Variants in TBC1D31 observed in about 807,000 individuals in gnomAD.
The protein encoded by TBC1D31 is WD repeat domain 67.
In TBC1D31, 99 loss-of-function variants were observed where a neutral mutation model predicts 132.9. That is an observed-to-expected ratio of 0.74 (90% CI 0.63 to 0.88). TBC1D31 has a LOEUF of 0.88. Among genes scored for constraint, TBC1D31 ranks in the 40% least tolerant of loss-of-function variants. The pLI, the probability that TBC1D31 is intolerant of heterozygous loss-of-function variation, is 0.00. For synonymous variants in TBC1D31, 385 were observed against 419.4 expected (o/e 0.92, Z 1.00); for missense variants, 1,134 against 1,256.6 (o/e 0.90, Z 1.48).
intron 11 of TBC1D31, among the ~76,000 whole-genome samples, chr8:123,122,452 T>A (rs1382740994): frequency 6.6e-6 from 1 of 152,174 alleles, no homozygotes; most frequent in East Asian, 1.9e-4. Flanking sequence ...GGACAGTTAT[T>A]GTATGATTTC....
At chr8:123,131,645 T>C (rs1352581363) in intron 16 of TBC1D31, among the ~76,000 whole-genome samples, 1 of 152,214 alleles carries the variant, frequency 6.6e-6, no homozygotes, top group Non-Finnish European at 1.5e-5. Flanking sequence ...ATTTGCAGTG[T>C]TTTGCAAATT....
At chr8:123,162,349 C>T in the TBC1D31 span, among the ~76,000 whole-genome samples, 1 of 151,958 alleles carries the variant, frequency 6.6e-6, no homozygotes, top group Non-Finnish European at 1.5e-5. Flanking sequence ...GAGGCGGGCT[C>T]CTGGCTGACT....
At chr8:123,100,402 C>G (rs1232109526) in intron 6 of TBC1D31, among the ~76,000 whole-genome samples, 1 of 151,980 alleles carries the variant, frequency 6.6e-6, no homozygotes, top group Non-Finnish European at 1.5e-5. Context: ...ATGGTGAAAC[C>G]CCATCCCTAT....
intron 6 of TBC1D31, among the ~76,000 whole-genome samples, chr8:123,100,063 C>G (rs1251039870): frequency 6.6e-6 from 1 of 152,134 alleles, no homozygotes; most frequent in Non-Finnish European, 1.5e-5. Flanking sequence ...TTGCATTGAG[C>G]AAGTTTCCAA....
intron 10 of TBC1D31, among the ~76,000 whole-genome samples, chr8:123,118,767 C>G (rs961070546): frequency 5.9e-5 from 9 of 152,126 alleles, no homozygotes; most frequent in African/African-American, 2.2e-4. Context: ...GGATCTTGCT[C>G]TGTCACCCAG....
chr8:123,146,896 C>T (rs1013440550), intron 20 of TBC1D31, among the ~76,000 whole-genome samples: 12 of 151,868 alleles, frequency 7.9e-5, no homozygotes, highest in Non-Finnish European at 1.5e-5. Flanking sequence ...AGGCTTGTCT[C>T]GAACTCCTGG....
At chr8:123,160,885 C>T in the TBC1D31 span, among the ~76,000 whole-genome samples, 1 of 152,202 alleles carries the variant, frequency 6.6e-6, no homozygotes, top group African/African-American at 2.4e-5. Context: ...TGGAATGAAA[C>T]TCGAACGGCT....
chr8:123,097,652 T>C lies in TBC1D31; in HGVS notation c.831+211T>C, dbSNP rs1004716507. ...TTGACAATTTGCTCTTTTTATAAAA[T>C]CAACATACTGTAAATTTATATTGTA... On this transcript the variant is annotated intron_variant, in intron 6 of 21. Coordinates refer to ENST00000287380, the MANE Select transcript of TBC1D31 (RefSeq NM_145647.4). The C allele has an allele frequency of 2.0e-5, 9 of 459,548 alleles. No individual in the cohort carries two copies. In the Admixed American group the frequency reaches 2.7e-4, roughly 14 times the overall value. The allele number at this position is 459,548 out of a possible 1,614,324, so 28.5% of individuals were successfully genotyped here.
downstream of TBC1D31, among the ~76,000 whole-genome samples, chr8:123,156,050 T>C (rs1287605597): frequency 6.6e-6 from 1 of 152,168 alleles, no homozygotes; most frequent in Non-Finnish European, 1.5e-5. Context: ...CTAAGACCCA[T>C]TGAGTAAGAG....
At chr8:123,132,571 A>G (rs1820735942) in intron 16 of TBC1D31, among the ~76,000 whole-genome samples, 1 of 150,634 alleles carries the variant, frequency 6.6e-6, no homozygotes, top group South Asian at 2.1e-4. Flanking sequence ...CTGCCACAAC[A>G]CCCATCTAAT....
intron 10 of TBC1D31, 93 bp downstream of exon 10, chr8:123,109,713 A>T: frequency 8.3e-7 from 1 of 1,207,314 alleles, no homozygotes; most frequent in Non-Finnish European, 1.2e-6. Context: ...TTGTTTTGTC[A>T]GTTTGATTAT....
chr8:123,104,903 GTACT>G (rs1249751145), intron 7 of TBC1D31, among the ~76,000 whole-genome samples: 1 of 152,060 alleles, frequency 6.6e-6, no homozygotes, highest in East Asian at 1.9e-4. Flanking sequence ...GAATATTAGG[GTACT>G]TCTGTCAGAA....
intron 2 of TBC1D31, among the ~76,000 whole-genome samples, chr8:123,079,914 C>A (rs1159110248): frequency 3.3e-5 from 5 of 152,170 alleles, no homozygotes; most frequent in Non-Finnish European, 1.5e-5. Context: ...TAGTGCTAAT[C>A]CCTATCTTCG....
In TBC1D31 at chr8:123,093,130, G is replaced by A. The variant is rs113838070; in HGVS notation, c.520-461G>A. Among the ~76,000 whole-genome samples, 630 of 151,580 alleles carry A rather than the reference G, an allele frequency of 4.2e-3. 8 individuals carry two copies. Among genetic ancestry groups the A allele is most frequent in the South Asian group, 0.014 (68 of 4,788 alleles). ...CCTGGCCTAATTTTTGTATTTTTTC[G>A]TAGAGATAGGGTTTCACCATGTTGG... On this transcript the variant is annotated intron_variant, in intron 4 of 21. Transcript: ENST00000287380.
At position 123,126,321 on chromosome 8, in the gene TBC1D31, T is replaced by C. The variant is rs1290359357; in HGVS notation, c.1704+132T>C. On this transcript the variant is annotated intron_variant, in intron 12 of 21. Transcript: ENST00000287380. ...ATGTTGTATTTTTAACAGTATTCCA[T>C]TCTTTTTCTTCATTAAACTGCCTTC... 19 of 1,280,620 alleles carry C rather than the reference T, an allele frequency of 1.5e-5. No individual in the cohort carries two copies. The Admixed American group carries it at 4.2e-4, about 28-fold the overall frequency. 79.3% of individuals were successfully genotyped at this position (1,280,620 alleles called of 1,614,324 possible).
chr8:123,104,293 T>C (rs962368553), intron 7 of TBC1D31: 6 of 152,228 alleles, frequency 3.9e-5, no homozygotes, highest in Non-Finnish European at 8.8e-5. Flanking sequence ...TTTTACTTGT[T>C]AAAATGTTCC....
At chr8:123,074,983 A>T (rs1370735663) in intron 1 of TBC1D31, 5 of 152,260 alleles carry the variant, frequency 3.3e-5, no homozygotes, top group Admixed American at 3.3e-4. Flanking sequence ...CGTGTGATTT[A>T]TATGAAAAAT....
At chr8:123,102,530 C>T (rs1817542012) in intron 7 of TBC1D31, 1 of 283,722 alleles carries the variant, frequency 3.5e-6, no homozygotes, top group Middle Eastern at 1.3e-3. Flanking sequence ...TTTATATGTT[C>T]CCAATTTCTT....
intron 10 of TBC1D31, among the ~76,000 whole-genome samples, chr8:123,111,369 T>C (rs1818418710): frequency 1.3e-5 from 2 of 152,146 alleles, no homozygotes; most frequent in African/African-American, 4.8e-5. Flanking sequence ...ATACAACCCA[T>C]GTAGGAAAAG....
Sources: gnomAD v4.1 joint callset for allele counts (sites outside exome capture counted in the v4.1 genomes callset) on GRCh38, gnomAD v4.1.1 for gene constraint, MANE v1.5 for transcripts, NCBI Gene and HGNC (gene_info 2026-07-23, HGNC 2026-07-21) for gene names.